The following SAMHD1 variants were observed in gnomAD, a reference collection of about 807,000 sequenced individuals.
SAMHD1 encodes the protein SAM and HD domain containing deoxynucleoside triphosphate triphosphohydrolase 1, also known as deoxynucleoside triphosphate triphosphohydrolase SAMHD1.
Under a neutral mutation model 79.6 loss-of-function variants are expected in SAMHD1, and 54 were observed. The observed-to-expected ratio is 0.68, with a 90% CI of 0.55 to 0.85. SAMHD1 has a LOEUF of 0.85. Among genes scored for constraint, SAMHD1 ranks in the 40% least tolerant of loss-of-function variants. The pLI, the probability that SAMHD1 is intolerant of heterozygous loss-of-function variation, is 0.00. For missense variants in SAMHD1, 663 were observed against 782.7 expected (o/e 0.85, Z 1.82); for synonymous variants, 260 against 264.1 (o/e 0.98, Z 0.15).
rs1229927233 is a variant in SAMHD1, at chr20:36,892,141, G to A, written c.*791C>T. ...TCACTGGGGTAGGATCTCCCAACAA[G>A]AGGCGGCTTTATGTTCCACTCACGA... On this transcript the variant is annotated 3_prime_UTR_variant, in exon 16 of 16. Coordinates refer to ENST00000646673, the MANE Select transcript of SAMHD1 (RefSeq NM_015474.4). 5 of 152,362 alleles carry A rather than the reference G, an allele frequency of 3.3e-5. No individual in the cohort carries two copies. Among genetic ancestry groups the A allele is most frequent in the Non-Finnish European group, 7.3e-5 (5 of 68,158 alleles). 9.4% of individuals were successfully genotyped at this position (152,362 alleles called of 1,614,324 possible). A position where few individuals can be genotyped will look rare whatever the true frequency, so the allele number is the denominator to read the frequency against.
chr20:36,896,006 G>A (rs1990190602), intron 15 of SAMHD1, among the ~76,000 whole-genome samples: 1 of 152,042 alleles, frequency 6.6e-6, no homozygotes, highest in Non-Finnish European at 1.5e-5. Flanking sequence ...AGGAGGATAT[G>A]TATAGGTCAT....
intron 6 of SAMHD1, among the ~76,000 whole-genome samples, chr20:36,922,225 CCT>C (rs1712845581): frequency 6.6e-6 from 1 of 151,986 alleles, no homozygotes; most frequent in Non-Finnish European, 1.5e-5. Flanking sequence ...GTTTTTTTCC[CCT>C]TTTTCTATAT....
intron 9 of SAMHD1, among the ~76,000 whole-genome samples, chr20:36,914,479 T>A (rs1310883501): frequency 6.6e-6 from 1 of 151,958 alleles, no homozygotes; most frequent in Non-Finnish European, 1.5e-5. Flanking sequence ...GCCTCCCAAG[T>A]AGCTGGGATT....
At chr20:36,904,013 A>T (rs2063391297) in intron 13 of SAMHD1, 144 bp downstream of exon 13, 1 of 639,264 alleles carries the variant, frequency 1.6e-6, no homozygotes, top group South Asian at 1.8e-5. Flanking sequence ...TTTTGTGGTT[A>T]ATAATATTGG....
At chr20:36,941,297 C>A (rs904650501) in intron 2 of SAMHD1, among the ~76,000 whole-genome samples, 186 bp from the exon 3 acceptor site, 4 of 152,086 alleles carry the variant, frequency 2.6e-5, no homozygotes, top group African/African-American at 9.7e-5. Context: ...AGATAGGGAA[C>A]TCTCCTGCTG....
Position 36,897,964 on chromosome 20 carries a change from T to A in SAMHD1, c.1609-5A>T. The A allele has an allele frequency of 6.2e-7, 1 of 1,614,114 alleles. No individual in the cohort carries two copies. Among genetic ancestry groups the A allele is most frequent in the Non-Finnish European group, 8.5e-7 (1 of 1,180,022 alleles). On this transcript the variant is annotated splice_polypyrimidine_tract_variant and splice_region_variant and intron_variant, in intron 14 of 15. Transcript: ENST00000646673. Reference sequence around the variant, plus strand: ...CTCTGGCAGAAGTTGTGAAACCTTTTTAAAATGAAGAGATTTCACTATCAC... The same window carrying A: ...CTCTGGCAGAAGTTGTGAAACCTTTATAAAATGAAGAGATTTCACTATCAC...
intron 13 of SAMHD1, among the ~76,000 whole-genome samples, chr20:36,899,384 C>T (rs1359138861): frequency 2.0e-5 from 3 of 151,764 alleles, no homozygotes; most frequent in Admixed American, 6.6e-5. Flanking sequence ...GTTGAGATTG[C>T]GCCACTGCAC....
At chr20:36,920,936 A>G (rs2063500209) in intron 6 of SAMHD1, among the ~76,000 whole-genome samples, 1 of 151,914 alleles carries the variant, frequency 6.6e-6, no homozygotes, top group Non-Finnish European at 1.5e-5. Context: ...AGATAAAAAG[A>G]TTGGCTGGGT....
intron 3 of SAMHD1, among the ~76,000 whole-genome samples, chr20:36,937,874 T>G (rs77429298): frequency 6.6e-6 from 1 of 151,626 alleles, no homozygotes; most frequent in Non-Finnish European, 1.5e-5. Context: ...TTTTTTTTTT[T>G]TGAGACAGGG....
At chr20:36,928,600 G>A (rs1208351177) in intron 5 of SAMHD1, among the ~76,000 whole-genome samples, 6 of 151,550 alleles carry the variant, frequency 4.0e-5, no homozygotes, top group South Asian at 2.1e-4. Context: ...CAGGAGAATC[G>A]CTTGAACCCG....
chr20:36,917,570 G>A (rs2146117566), intron 7 of SAMHD1, among the ~76,000 whole-genome samples: 2 of 152,240 alleles, frequency 1.3e-5, no homozygotes, highest in Non-Finnish European at 2.9e-5. Context: ...AGAATCGCCT[G>A]AACTCAGGAG....
chr20:36,909,181 C>T (rs190606328), intron 11 of SAMHD1, among the ~76,000 whole-genome samples: 47 of 152,056 alleles, frequency 3.1e-4, no homozygotes, highest in African/African-American at 9.6e-4. Flanking sequence ...AGGATGGTCT[C>T]GAACTCCTGA....
intron 12 of SAMHD1, chr20:36,905,145 C>A: frequency 1.8e-6 from 1 of 554,622 alleles, no homozygotes; most frequent in Admixed American, 3.1e-5. Context: ...CTTTTGAATC[C>A]TGGCTAAATA....
intron 13 of SAMHD1, among the ~76,000 whole-genome samples, chr20:36,899,718 C>T (rs1013112002): frequency 6.6e-6 from 1 of 152,088 alleles, no homozygotes; most frequent in Non-Finnish European, 1.5e-5. Flanking sequence ...AAACTGTCTC[C>T]TGGATTTAGC....
intron 6 of SAMHD1, among the ~76,000 whole-genome samples, chr20:36,922,356 C>T (rs1309578319): frequency 6.6e-6 from 1 of 152,090 alleles, no homozygotes; most frequent in Non-Finnish European, 1.5e-5. Flanking sequence ...AGGAAATACC[C>T]ACTGAAGTAT....
Position 36,892,069 on chromosome 20 carries a change from G to C in SAMHD1, c.*863C>G, listed in dbSNP as rs373133202. On this transcript the variant is annotated 3_prime_UTR_variant, in exon 16 of 16. Coordinates refer to ENST00000646673, the MANE Select transcript of SAMHD1 (RefSeq NM_015474.4). ...GGGACAAAGGCACTACCCGGGTCTG[G>C]AGCCGCCACGGAGCCAGGGCACAGC... is the stretch of plus-strand genomic sequence containing the variant. 1 of 152,388 alleles carries C rather than the reference G, an allele frequency of 6.6e-6. No homozygotes were observed. Among genetic ancestry groups the C allele is most frequent in the African/African-American group, 2.4e-5 (1 of 41,456 alleles). The allele number at this position is 152,388 out of a possible 1,614,324, so 9.4% of individuals were successfully genotyped here.
chr20:36,944,661 G>A (rs1011159531), intron 2 of SAMHD1, among the ~76,000 whole-genome samples: 29 of 152,156 alleles, frequency 1.9e-4, no homozygotes, highest in African/African-American at 6.0e-4. Flanking sequence ...TTGGGAGGAC[G>A]AGGTGGGTGG....
chr20:36,917,211 C>G, intron 7 of SAMHD1, 162 bp from the exon 8 acceptor site: 1 of 643,140 alleles, frequency 1.6e-6, no homozygotes, highest in Non-Finnish European at 2.8e-6. Context: ...CACTTCATTT[C>G]AAAACTAGTA....
At chr20:36,893,113 CCAT>C (rs1224940723) in intron 15 of SAMHD1, 47 bp from the exon 16 acceptor site, 1 of 1,604,898 alleles carries the variant, frequency 6.2e-7, no homozygotes, top group Admixed American at 1.7e-5. Flanking sequence ...AAGCCAGTTT[CCAT>C]CATCTTATTT....
Sources: gnomAD v4.1 joint callset for allele counts (sites outside exome capture counted in the v4.1 genomes callset) on GRCh38, gnomAD v4.1.1 for gene constraint, MANE v1.5 for transcripts, NCBI Gene and HGNC (gene_info 2026-07-23, HGNC 2026-07-21) for gene names.